SYTL2: variants seen among roughly 807,000 people sequenced by gnomAD.
The protein encoded by SYTL2 is synaptotagmin-like protein 2.
SYTL2 carries 165 observed loss-of-function variants against 198.7 expected under a neutral mutation model. That is an observed-to-expected ratio of 0.83 (90% confidence interval 0.73 to 0.94). The LOEUF (loss-of-function observed/expected upper bound fraction) is 0.94. Among genes scored for constraint, SYTL2 ranks in the 40% least tolerant of loss-of-function variants. The probability of loss-of-function intolerance (pLI) is 0.00; values close to 1 mark genes in which losing one functional copy is unlikely to be tolerated. For synonymous variants in SYTL2, 966 were observed against 917.7 expected (o/e 1.05, Z -0.95); for missense variants, 2,835 against 2,582.8 (o/e 1.10, Z -2.12).
rs778837608 is a variant in SYTL2 at position 85,717,744 on chromosome 11, A to C, written c.5483-214T>G. The C allele has an allele frequency of 2.7e-5, 16 of 592,038 alleles. No individual in the cohort carries two copies. In the East Asian group the frequency reaches 5.7e-4, roughly 21 times the overall value. 36.7% of individuals were successfully genotyped at this position (592,038 alleles called of 1,614,324 possible). A position where few individuals can be genotyped will look rare whatever the true frequency, so the allele number is the denominator to read the frequency against. ...CTAAAAATCTGGGATCAAACAAAAG[A>C]GATACGGAGCATCCTTCCTGTAATT... On this transcript the variant is annotated intron_variant, in intron 10 of 19. Coordinates refer to ENST00000359152, the MANE Select transcript of SYTL2 (RefSeq NM_206927.4).
At chr11:85,797,410 T>C (rs1327176362) in intron 1 of SYTL2, among the ~76,000 whole-genome samples, 1 of 152,044 alleles carries the variant, frequency 6.6e-6, no homozygotes, top group Non-Finnish European at 1.5e-5. Context: ...GGAGGATCCC[T>C]TGAGGTCAGG....
intron 1 of SYTL2, among the ~76,000 whole-genome samples, chr11:85,768,783 T>C (rs2092297316): frequency 6.6e-6 from 1 of 152,172 alleles, no homozygotes; most frequent in African/African-American, 2.4e-5. Flanking sequence ...GGGGTATTGG[T>C]AGGAGAAAAG....
chr11:85,700,767 G>A, intron 16 of SYTL2, 174 bp from the exon 17 acceptor site: 1 of 521,408 alleles, frequency 1.9e-6, no homozygotes. Context: ...TTAATACCTG[G>A]GAAAACTAGG....
rs921109763 is a variant in SYTL2, at chr11:85,727,079, T to A, written c.2279A>T (p.Asn760Ile). The A allele has an allele frequency of 5.9e-6, 9 of 1,535,948 alleles. No homozygotes were observed. In the African/African-American group the frequency reaches 1.1e-4, roughly 19 times the overall value. The change falls in exon 8 of 20, where the codon AAC becomes ATC. Residue 760 changes from asparagine (N) to isoleucine (I), a missense_variant. Physicochemically the swap from Asn to Ile is moderately radical, Grantham distance 149. Coordinates refer to ENST00000359152, the MANE Select transcript of SYTL2 (RefSeq NM_206927.4). ...ENIKSTPGVA[N>I]NGSPWKKPEV... Reference sequence around the variant, plus strand: ...AGGCTTCTTCCAAGGAGAGCCATTGTTGGCAACCCCAGGTGTTGACTTAAT... The same window carrying A: ...AGGCTTCTTCCAAGGAGAGCCATTGATGGCAACCCCAGGTGTTGACTTAAT...
At chr11:85,839,485 C>A in the SYTL2 span, among the ~76,000 whole-genome samples, 1 of 152,164 alleles carries the variant, frequency 6.6e-6, no homozygotes, top group Non-Finnish European at 1.5e-5. Flanking sequence ...GTTGAACTCT[C>A]ATGAGTTCAA....
intron 1 of SYTL2, among the ~76,000 whole-genome samples, chr11:85,772,589 T>C (rs912121781): frequency 6.6e-6 from 1 of 152,212 alleles, no homozygotes; most frequent in Admixed American, 6.5e-5. Context: ...ACTATGCGTA[T>C]GAAGGCAGAA....
At chr11:85,697,662 T>G (rs1190065314) in intron 18 of SYTL2, among the ~76,000 whole-genome samples, 1 of 152,196 alleles carries the variant, frequency 6.6e-6, no homozygotes, top group East Asian at 1.9e-4. Context: ...TCAAGGGGTG[T>G]GACATCTTAC....
chr11:85,799,546 G>A (rs558541786), intron 1 of SYTL2, among the ~76,000 whole-genome samples: 2 of 152,310 alleles, frequency 1.3e-5, no homozygotes, highest in African/African-American at 2.4e-5. Flanking sequence ...TTAATAACAT[G>A]TACTACACTC....
chr11:85,732,753 AT>A (rs1027367933), intron 7 of SYTL2, among the ~76,000 whole-genome samples: 3 of 152,030 alleles, frequency 2.0e-5, no homozygotes, highest in Admixed American at 1.3e-4. Flanking sequence ...TTTAAAAAAA[AT>A]TTTTTTTAAA....
chr11:85,799,993 G>A (rs1273819122), intron 1 of SYTL2, among the ~76,000 whole-genome samples: 1 of 152,152 alleles, frequency 6.6e-6, no homozygotes, highest in Non-Finnish European at 1.5e-5. Context: ...AAAGAGAATA[G>A]CAAGAGATTT....
intron 17 of SYTL2, 41 bp downstream of exon 17, chr11:85,700,474 T>C: frequency 6.7e-7 from 1 of 1,490,316 alleles, no homozygotes; most frequent in African/African-American, 1.4e-5. Flanking sequence ...AAGGGAGGGA[T>C]AAGGAAAGGA....
Position 85,694,439 on chromosome 11 carries a change from G to C in SYTL2, c.*756C>G, listed in dbSNP as rs921596745. The C allele has an allele frequency of 2.8e-4, 43 of 152,046 alleles. No homozygotes were observed. Among genetic ancestry groups the C allele is most frequent in the Admixed American group, 8.5e-4 (13 of 15,262 alleles). 9.4% of individuals were successfully genotyped at this position (152,046 alleles called of 1,614,324 possible). On this transcript the variant is annotated 3_prime_UTR_variant, in exon 20 of 20. Coordinates refer to ENST00000359152, the MANE Select transcript of SYTL2 (RefSeq NM_206927.4). ...ACTACTCTTATGCTGCTTTCATATA[G>C]TAAAGTTATAAGAAAAACAATCATA...
intron 4 of SYTL2, among the ~76,000 whole-genome samples, chr11:85,739,253 CTTT>C (rs34147924): frequency 5.6e-5 from 7 of 124,426 alleles, no homozygotes; most frequent in Admixed American, 1.7e-4. Context: ...AGGAGGCTGG[CTTT>C]TTTTTTTTTT....
chr11:85,708,963 C>T (rs144695329), intron 14 of SYTL2, among the ~76,000 whole-genome samples: 10 of 150,908 alleles, frequency 6.6e-5, no homozygotes, highest in African/African-American at 2.0e-4. Flanking sequence ...CTCAGCCTCC[C>T]GAGTAGCTGG....
the SYTL2 span, among the ~76,000 whole-genome samples, chr11:85,836,835 C>A: frequency 6.6e-6 from 1 of 152,138 alleles, no homozygotes; most frequent in Non-Finnish European, 1.5e-5. Context: ...TATACACACA[C>A]ACACACAGAT....
intron 6 of SYTL2, 126 bp downstream of exon 6, chr11:85,736,375 A>G: frequency 1.7e-6 from 1 of 575,378 alleles, no homozygotes; most frequent in Non-Finnish European, 3.0e-6. Flanking sequence ...GCACCGTAAA[A>G]TAAGAAAACC....
chr11:85,800,811 C>G (rs566244517), intron 1 of SYTL2, among the ~76,000 whole-genome samples: 5 of 152,330 alleles, frequency 3.3e-5, no homozygotes, highest in African/African-American at 7.2e-5. Flanking sequence ...AGAGCCACGT[C>G]TCCTCCACAC....
rs555621911 is a variant in SYTL2, at chr11:85,804,224, A to C, written c.-390+6730T>G. Among the ~76,000 whole-genome samples the C allele has an allele frequency of 3.3e-5, 5 of 152,340 alleles. No homozygotes were observed. In the South Asian group the frequency reaches 8.3e-4, roughly 25 times the overall value. On this transcript the variant is annotated intron_variant, in intron 1 of 19. Coordinates refer to ENST00000359152, the MANE Select transcript of SYTL2 (RefSeq NM_206927.4). ...GTAACAAAATTTTCTAAATTTTTGC[A>C]ACAAGCCCATTTTCAAGGGTTATCC...
chr11:85,710,503 T>G (rs754043836), intron 13 of SYTL2, among the ~76,000 whole-genome samples: 2 of 152,260 alleles, frequency 1.3e-5, no homozygotes, highest in Non-Finnish European at 2.9e-5. Context: ...CAGATAAGTG[T>G]ATGTGGATAT....
Sources: allele counts gnomAD v4.1 joint callset (sites outside exome capture counted in the v4.1 genomes callset), GRCh38; gene constraint gnomAD v4.1.1; transcripts MANE v1.5; gene names NCBI Gene and HGNC (gene_info 2026-07-23, HGNC 2026-07-21).